The following FAM83H variants were observed in gnomAD, a reference collection of about 807,000 sequenced individuals.
FAM83H encodes scaffolding CK1 anchoring protein H.
Under a neutral mutation model 30.2 loss-of-function variants are expected in FAM83H, and 24 were observed. The observed-to-expected ratio is 0.79, with a 90% CI of 0.57 to 1.12. The LOEUF (loss-of-function observed/expected upper bound fraction) is 1.12. FAM83H is among the 50% of genes most tolerant of loss of function. The pLI, the probability that FAM83H is intolerant of heterozygous loss-of-function variation, is 0.00. For missense variants in FAM83H, 2,038 were observed against 1,773.9 expected (o/e 1.15, Z -2.67); for synonymous variants, 1,013 against 821.7 (o/e 1.23, Z -3.98).
rs1554621852 is a variant in FAM83H at position 143,726,520 on chromosome 8, T to C, written c.2941A>G (p.Met981Val). Residue 981 changes from methionine to valine, a missense_variant, in exon 5 of 5, where the codon ATG becomes GTG. Met to Val is a conservative substitution (Grantham distance 21). Transcript: ENST00000388913. ...QLLSPKGERR[M>V]EDEGGFPVPQ... is the part of the protein sequence containing the mutation. ...ACTGGGAAGCCACCCTCATCCTCCA[T>C]GCGCCGCTCGCCCTTGGGGCTCAGC... 1 of 1,605,996 alleles carries C rather than the reference T, an allele frequency of 6.2e-7. No homozygotes were observed. The highest frequency in any genetic ancestry group is 8.5e-7 in the Non-Finnish European group (1 of 1,179,734).
At position 143,728,586 on chromosome 8, in the gene FAM83H, G is replaced by A. The variant is rs1818399119; in HGVS notation, c.875C>T (p.Ala292Val). ...EPLVPSAAAL[A>V]RMDAYALAPY... is the part of the protein sequence containing the mutation. ...AGCCAGGGCATAGGCGTCCATGCGG[G>A]CCAGGGCCGCGGCCGAGGGCACAAG... is the stretch of plus-strand genomic sequence containing the variant. The change falls in exon 5 of 5, where the codon GCC becomes GTC. Residue 292 changes from alanine to valine, a missense_variant. Physicochemically the swap from Ala to Val is moderately conservative, Grantham distance 64 (BLOSUM62 0). Transcript: ENST00000388913. 6.2e-7 allele frequency: 1 copy of A among 1,603,988 alleles called. No homozygotes were observed. The highest frequency in any genetic ancestry group is 1.1e-5 in the South Asian group (1 of 90,014).
rs782408257 is a variant in FAM83H, at chr8:143,727,327, C to G, written c.2134G>C (p.Glu712Gln). 6.4e-7 allele frequency: 1 copy of G among 1,556,186 alleles called. No individual in the cohort carries two copies. Among genetic ancestry groups the G allele is most frequent in the African/African-American group, 1.3e-5 (1 of 74,104 alleles). The part of the protein sequence containing the change: ...ATEKVQLLHK[E>Q]QTVSETLGPG... The stretch of plus-strand genomic sequence containing the variant: ...CCCAGCGTCTCGCTGACCGTCTGCT[C>G]CTTGTGCAGCAGCTGCACCTTCTCA... The change falls in exon 5 of 5, where the codon GAG becomes CAG. Residue 712 changes from glutamate (E) to glutamine (Q), a missense_variant. Glu to Gln is a conservative substitution (Grantham distance 29, BLOSUM62 2). Coordinates refer to ENST00000388913, the MANE Select transcript of FAM83H (RefSeq NM_198488.5).
At chr8:143,731,768 C>G in intron 1 of FAM83H, 1 of 985,476 alleles carries the variant, frequency 1.0e-6, no homozygotes, top group African/African-American at 1.7e-5. Context: ...CTTTCCAGGT[C>G]CTGGGCTCGC....
rs782023240 is a variant in FAM83H at position 143,726,972 on chromosome 8, C to A, written c.2489G>T (p.Arg830Leu). The A allele has an allele frequency of 1.2e-6, 2 of 1,602,400 alleles. No individual in the cohort carries two copies. The highest frequency in any genetic ancestry group is 1.3e-5 in the African/African-American group (1 of 74,828). ...LDTLGRSGSD[R>L]LPSRFLSAQS... is the part of the protein sequence containing the mutation. ...GGCAGAGAGGAAGCGGGAAGGCAGGCGGTCGGAGCCGCTCCGGCCCAGTGT... is the reference window on the plus strand; with the variant it reads ...GGCAGAGAGGAAGCGGGAAGGCAGGAGGTCGGAGCCGCTCCGGCCCAGTGT... The change falls in exon 5 of 5, where the codon CGC becomes CTC. Residue 830 changes from arginine to leucine, a missense_variant. Transcript: ENST00000388913.
Position 143,730,337 on chromosome 8 carries a change from G to A in FAM83H, c.246C>T (p.Ser82=), listed in dbSNP as rs2129690955. Residue 82 remains serine (S), a synonymous_variant, in exon 2 of 5, where the codon AGC becomes AGT. Coordinates refer to ENST00000388913, the MANE Select transcript of FAM83H (RefSeq NM_198488.5). ...AGCCATCCATGTCCACGTCGAGAAG[G>A]CTGCCTTCAGGTGGCTCTCGGGTAA... The part of the protein sequence containing the change: ...QYVTREPPEG[S]LLDVDMDGSS... 1.2e-6 allele frequency: 2 copies of A among 1,613,772 alleles called. No individual in the cohort carries two copies. Among genetic ancestry groups the A allele is most frequent in the South Asian group, 1.1e-5 (1 of 91,084 alleles).
At chr8:143,731,181 CATT>C (rs148346604) in intron 1 of FAM83H, among the ~76,000 whole-genome samples, 97 of 150,172 alleles carry the variant, frequency 6.5e-4, no homozygotes, top group African/African-American at 2.3e-3. Context: ...CTGCATTCAT[CATT>C]ATAATATTCA....
chr8:143,727,206 GCGC>G lies in FAM83H; in HGVS notation c.2252_2254del (p.Gly751del). 1.3e-6 allele frequency: 2 copies of G among 1,533,368 alleles called. No homozygotes were observed. Among genetic ancestry groups the G allele is most frequent in the Non-Finnish European group, 1.7e-6 (2 of 1,145,402 alleles). The allele number at this position is 1,533,368 out of a possible 1,614,324, so 95.0% of individuals were successfully genotyped here. On this transcript the variant is annotated inframe_deletion, in exon 5 of 5. Coordinates refer to ENST00000388913, the MANE Select transcript of FAM83H (RefSeq NM_198488.5). ...GTGGCTGGCAACGGTGATGGCGCCC[GCGC>G]CGCCGCCGGGATCACGGGCTGGGCC...
At position 143,727,528 on chromosome 8, in the gene FAM83H, G is replaced by A; in HGVS notation, c.1933C>T (p.Pro645Ser). The A allele has an allele frequency of 1.3e-6, 2 of 1,582,898 alleles. No individual in the cohort carries two copies. Among genetic ancestry groups the A allele is most frequent in the Non-Finnish European group, 1.7e-6 (2 of 1,171,954 alleles). ...AFPTKVPVPG[P>S]GSGGNGPERE... ...TCTGGGCCGTTGCCGCCGCTGCCCG[G>A]GCCTGGCACCGGGACCTTGGTGGGG... Residue 645 changes from proline (P) to serine (S), a missense_variant, in exon 5 of 5, where the codon CCG becomes TCG. Physicochemically the swap from Pro to Ser is moderately conservative, Grantham distance 74 (BLOSUM62 -1). Transcript: ENST00000388913.
At chr8:143,730,722 A>T (rs1554624314) in intron 1 of FAM83H, 125 bp from the exon 2 acceptor site, 2 of 731,284 alleles carry the variant, frequency 2.7e-6, no homozygotes, top group Non-Finnish European at 2.1e-6. Flanking sequence ...GCCCATGCCC[A>T]GGAGGCCTTC....
In FAM83H at chr8:143,726,840, G is replaced by C; in HGVS notation, c.2621C>G (p.Ala874Gly). Residue 874 changes from alanine to glycine, a missense_variant, in exon 5 of 5, where the codon GCT (alanine) becomes GGT (glycine). Transcript: ENST00000388913. ...HNESKGSPTS[A>G]YPERKGSPTP... ...GGGGCTCCCCTTCCGCTCAGGGTAAGCCGAGGTGGGGCTCCCTTTTGACTC... is the reference window on the plus strand; with the variant it reads ...GGGGCTCCCCTTCCGCTCAGGGTAACCCGAGGTGGGGCTCCCTTTTGACTC... The C allele has an allele frequency of 6.2e-7, 1 of 1,612,994 alleles. No individual in the cohort carries two copies. The highest frequency in any genetic ancestry group is 8.5e-7 in the Non-Finnish European group (1 of 1,179,936).
intron 2 of FAM83H, among the ~76,000 whole-genome samples, chr8:143,729,754 C>T (rs909508930): frequency 6.6e-6 from 1 of 152,244 alleles, no homozygotes; most frequent in Admixed American, 6.5e-5. Context: ...GACCTCATGC[C>T]TCAGTCGCTA....
Position 143,726,493 on chromosome 8 carries a change from G to A in FAM83H, c.2968C>T (p.Pro990Ser). 2 of 1,605,426 alleles carry A rather than the reference G, an allele frequency of 1.2e-6. No individual in the cohort carries two copies. Among genetic ancestry groups the A allele is most frequent in the Non-Finnish European group, 1.7e-6 (2 of 1,179,362 alleles). The change falls in exon 5 of 5, where the codon CCG (proline) becomes TCG (serine). Residue 990 changes from proline to serine, a missense_variant. Physicochemically the swap from Pro to Ser is moderately conservative, Grantham distance 74 (BLOSUM62 -1). Coordinates refer to ENST00000388913, the MANE Select transcript of FAM83H (RefSeq NM_198488.5). ...RMEDEGGFPV[P>S]QENGQPESPR... ...CTCTCGGGTTGGCCGTTCTCCTGCG[G>A]CACTGGGAAGCCACCCTCATCCTCC...
chr8:143,727,652 G>A lies in FAM83H; in HGVS notation c.1809C>T (p.Pro603=), dbSNP rs1455375967. 3 of 1,576,412 alleles carry A rather than the reference G, an allele frequency of 1.9e-6. No individual in the cohort carries two copies. In the African/African-American group the frequency reaches 4.1e-5, roughly 21 times the overall value. Residue 603 remains proline, a synonymous_variant, in exon 5 of 5, where the codon CCC becomes CCT. Coordinates refer to ENST00000388913, the MANE Select transcript of FAM83H (RefSeq NM_198488.5). The stretch of plus-strand genomic sequence containing the variant: ...CGTCTTCGTAAGCCTCCGCTTCCAT[G>A]GGCGCCGGTAGGCCGTCGTCGCCCC... ...EDGGDDGLPA[P]MEAEAYEDDV...
In FAM83H at chr8:143,730,386, C is replaced by T. The variant is rs781842858; in HGVS notation, c.197G>A (p.Arg66Gln). ...AACATACTGCGGAGGCCGAAGGTGTCGGCTCACATGTTCCAGCTCTTCAGG... is the reference window on the plus strand; with the variant it reads ...AACATACTGCGGAGGCCGAAGGTGTTGGCTCACATGTTCCAGCTCTTCAGG... ...LCPEELEHVS[R>Q]HLRPPQYVTR... The change falls in exon 2 of 5, where the codon CGA (arginine) becomes CAA (glutamine). Residue 66 changes from arginine to glutamine, a missense_variant. Arg to Gln is a conservative substitution (Grantham distance 43). Coordinates refer to ENST00000388913, the MANE Select transcript of FAM83H (RefSeq NM_198488.5). 67 of 1,613,330 alleles carry T rather than the reference C, an allele frequency of 4.2e-5. 1 individual carries two copies. Among genetic ancestry groups the T allele is most frequent in the South Asian group, 3.5e-4 (32 of 91,090 alleles).
Position 143,727,653 on chromosome 8 carries a change from G to T in FAM83H, c.1808C>A (p.Pro603His), listed in dbSNP as rs1390302967. The part of the protein sequence containing the change: ...EDGGDDGLPA[P>H]MEAEAYEDDV... ...GTCTTCGTAAGCCTCCGCTTCCATG[G>T]GCGCCGGTAGGCCGTCGTCGCCCCC... The change falls in exon 5 of 5, where the codon CCC (proline) becomes CAC (histidine). Residue 603 changes from proline (P) to histidine (H), a missense_variant. Pro to His is a moderately conservative substitution (Grantham distance 77). Coordinates refer to ENST00000388913, the MANE Select transcript of FAM83H (RefSeq NM_198488.5). The T allele has an allele frequency of 1.9e-6, 3 of 1,575,172 alleles. No individual in the cohort carries two copies. The highest frequency in any genetic ancestry group is 2.7e-5 in the African/African-American group (2 of 73,334).
Position 143,725,612 on chromosome 8 carries a change from C to G in FAM83H, c.*309G>C, listed in dbSNP as rs1563756149. Reference sequence around the variant, plus strand: ...AAAGGGGGCGGGGGGGACTGAGGCACAAAGAGATGGCGGAGCCAGACGCTG... The same window carrying G: ...AAAGGGGGCGGGGGGGACTGAGGCAGAAAGAGATGGCGGAGCCAGACGCTG... On this transcript the variant is annotated 3_prime_UTR_variant, in exon 5 of 5. Coordinates refer to ENST00000388913, the MANE Select transcript of FAM83H (RefSeq NM_198488.5). 7 of 528,010 alleles carry G rather than the reference C, an allele frequency of 1.3e-5. No homozygotes were observed. The highest frequency in any genetic ancestry group is 1.0e-5 in the Non-Finnish European group (3 of 294,180). 32.7% of individuals were successfully genotyped at this position (528,010 alleles called of 1,614,324 possible).
rs1818363581 is a variant in FAM83H, at chr8:143,727,880, G to A, written c.1581C>T (p.Phe527=). Residue 527 remains phenylalanine (F), a synonymous_variant, in exon 5 of 5, where the codon TTC becomes TTT. Coordinates refer to ENST00000388913, the MANE Select transcript of FAM83H (RefSeq NM_198488.5). ...REVRHGSDPA[F]APGPRGLEPS... ...GCTCCAGGCCGCGGGGTCCGGGCGC[G>A]AAGGCGGGGTCCGAGCCGTGGCGCA... The A allele has an allele frequency of 1.5e-6, 2 of 1,374,888 alleles. No individual in the cohort carries two copies. Among genetic ancestry groups the A allele is most frequent in the Non-Finnish European group, 1.9e-6 (2 of 1,074,236 alleles). 85.2% of individuals were successfully genotyped at this position (1,374,888 alleles called of 1,614,324 possible). A position where few individuals can be genotyped will look rare whatever the true frequency, so the allele number is the denominator to read the frequency against.
At position 143,725,167 on chromosome 8, in the gene FAM83H, G is replaced by C. The variant is rs1192110719; in HGVS notation, c.*754C>G. Reference sequence around the variant, plus strand: ...GGGGAGGGGGGAGACGGGGGGGGGGGGGGGGGAGGGAAGGAGGAGACCTTG... The same window carrying C: ...GGGGAGGGGGGAGACGGGGGGGGGGCGGGGGGAGGGAAGGAGGAGACCTTG... On this transcript the variant is annotated 3_prime_UTR_variant, in exon 5 of 5. Transcript: ENST00000388913. The C allele has an allele frequency of 7.5e-6, 1 of 133,360 alleles. No individual in the cohort carries two copies. Among genetic ancestry groups the C allele is most frequent in the Non-Finnish European group, 1.7e-5 (1 of 59,844 alleles). 8.3% of individuals were successfully genotyped at this position (133,360 alleles called of 1,614,324 possible). A position where few individuals can be genotyped will look rare whatever the true frequency, so the allele number is the denominator to read the frequency against.
rs1443036421 is a variant in FAM83H, at chr8:143,727,622, C to G, written c.1839G>C (p.Val613=). 7 of 1,581,146 alleles carry G rather than the reference C, an allele frequency of 4.4e-6. No homozygotes were observed. The African/African-American group carries it at 9.5e-5, about 21-fold the overall frequency. The change falls in exon 5 of 5, where the codon GTG becomes GTC. Residue 613 remains valine (V), a synonymous_variant. Transcript: ENST00000388913. The part of the protein sequence containing the change: ...PMEAEAYEDD[V]LAPGGRAPAG... ...CAGGTGCCCGGCCCCCGGGAGCCAG[C>G]ACGTCGTCTTCGTAAGCCTCCGCTT...
Sources: gnomAD v4.1 joint callset for allele counts (sites outside exome capture counted in the v4.1 genomes callset) on GRCh38, gnomAD v4.1.1 for gene constraint, MANE v1.5 for transcripts, NCBI Gene and HGNC (gene_info 2026-07-23, HGNC 2026-07-21) for gene names.